MFSD12: variants seen among roughly 807,000 people sequenced by gnomAD.
MFSD12 encodes major facilitator superfamily domain containing 12, also known as major facilitator superfamily domain-containing protein 12.
In MFSD12, 67 loss-of-function variants were observed where a neutral mutation model predicts 51.2. The observed-to-expected ratio is 1.31, with a 90% CI of 1.08 to 1.60. MFSD12 has a LOEUF of 1.60. Among genes scored for constraint, MFSD12 ranks in the 40% most tolerant of loss-of-function variants. The pLI, the probability that MFSD12 is intolerant of heterozygous loss-of-function variation, is 0.00. For synonymous variants in MFSD12, 441 were observed against 316.7 expected (o/e 1.39, Z -4.17); for missense variants, 921 against 673.0 (o/e 1.37, Z -4.08).
chr19:3,542,776 C>T (rs1045213674), downstream of MFSD12: 7 of 1,364,554 alleles, frequency 5.1e-6, no homozygotes, highest in African/African-American at 8.9e-5. Flanking sequence ...AGCCACACAC[C>T]TGGCCTAGTG....
chr19:3,539,489 C>T (rs1435600895), downstream of MFSD12: 14 of 536,446 alleles, frequency 2.6e-5, no homozygotes, highest in South Asian at 2.4e-4. Context: ...TGTCTGCGGC[C>T]GTCTCCAAGG....
intron 4 of MFSD12, chr19:3,538,901 A>G: frequency 1.5e-6 from 1 of 653,728 alleles, no homozygotes. Flanking sequence ...GGGTGTGGAG[A>G]TGGAGAAGCC....
Position 3,547,872 on chromosome 19 carries a change from C to A in MFSD12, c.813G>T (p.Trp271Cys). Residue 271 changes from tryptophan (W) to cysteine (C), a missense_variant, in exon 4 of 10, where the codon TGG becomes TGT. Trp to Cys is a radical substitution (Grantham distance 215). Transcript: ENST00000355415. The part of the protein sequence containing the change: ...TAQPLLLWKH[W>C]LREPAFYQVG... ...CCTGGTAGAAAGCCGGCTCCCGGAG[C>A]CAGTGCTTCCAGAGCAGCAGGGGCT... The A allele has an allele frequency of 6.5e-7, 1 of 1,529,994 alleles. No individual in the cohort carries two copies. The allele number at this position is 1,529,994 out of a possible 1,614,324, so 94.8% of individuals were successfully genotyped here.
rs1342824871 is a variant in MFSD12, at chr19:3,544,576, G to A, written c.*134C>T. On this transcript the variant is annotated 3_prime_UTR_variant, in exon 10 of 10. Coordinates refer to ENST00000355415, the MANE Select transcript of MFSD12 (RefSeq NM_174983.5). ...GCTGCCCTCACCCGACCCCACCCCCGGGAGCTGGGTGAGGATGGAGGGTGG... is the reference window on the plus strand; with the variant it reads ...GCTGCCCTCACCCGACCCCACCCCCAGGAGCTGGGTGAGGATGGAGGGTGG... 2.3e-5 allele frequency: 33 copies of A among 1,459,560 alleles called. No homozygotes were observed. Among genetic ancestry groups the A allele is most frequent in the South Asian group, 1.0e-4 (7 of 69,714 alleles). 90.4% of individuals were successfully genotyped at this position (1,459,560 alleles called of 1,614,324 possible). A position where few individuals can be genotyped will look rare whatever the true frequency, so the allele number is the denominator to read the frequency against.
downstream of MFSD12, chr19:3,544,158 C>A: frequency 7.2e-7 from 1 of 1,386,926 alleles, no homozygotes; most frequent in South Asian, 1.8e-5. Flanking sequence ...GCCCAGGCTA[C>A]CCCTGCCCAG....
chr19:3,550,470 C>T (rs1430621946), intron 2 of MFSD12, among the ~76,000 whole-genome samples: 1 of 151,924 alleles, frequency 6.6e-6, no homozygotes, highest in Non-Finnish European at 1.5e-5. Context: ...TGGCTCACTG[C>T]AAGCTCCACC....
At chr19:3,539,381 C>T, downstream of MFSD12, 1 of 653,642 alleles carries the variant, frequency 1.5e-6, no homozygotes, top group Non-Finnish European at 2.7e-6. Context: ...CTAAAAGGCT[C>T]ATGTGTGTGA....
chr19:3,546,581 T>C (rs1243177896), intron 6 of MFSD12, among the ~76,000 whole-genome samples, 156 bp from the exon 7 acceptor site: 1 of 152,234 alleles, frequency 6.6e-6, no homozygotes, highest in African/African-American at 2.4e-5. Flanking sequence ...ACACCGAGGC[T>C]CTGCAGATCC....
downstream of MFSD12, chr19:3,542,762 C>T (rs201813207): frequency 3.2e-5 from 43 of 1,355,690 alleles, no homozygotes; most frequent in East Asian, 9.3e-5. Flanking sequence ...GGTTTACAAG[C>T]GTGAGCCACA....
In MFSD12 at chr19:3,547,950, C is replaced by G. The variant is rs376196690; in HGVS notation, c.735G>C (p.Pro245=). ...TGTGCTCGCCTGGCTCCTCCGCATGCGGCCGGCGCCTCTCCCGGGTGCCCA... is the reference window on the plus strand; with the variant it reads ...TGTGCTCGCCTGGCTCCTCCGCATGGGGCCGGCGCCTCTCCCGGGTGCCCA... The part of the protein sequence containing the change: ...FHLGTRERRR[P]HAEEPGEHTP... Residue 245 remains proline (P), a synonymous_variant, in exon 4 of 10, where the codon CCG becomes CCC. Transcript: ENST00000355415. The G allele has an allele frequency of 1.9e-6, 3 of 1,593,622 alleles. No homozygotes were observed. The highest frequency in any genetic ancestry group is 2.5e-6 in the Non-Finnish European group (3 of 1,177,008).
chr19:3,553,728 C>CAAAAA (rs35093968), intron 1 of MFSD12, among the ~76,000 whole-genome samples: 1 of 61,332 alleles, frequency 1.6e-5, no homozygotes, highest in Non-Finnish European at 2.7e-5. Flanking sequence ...CTCCATCTCT[C>CAAAAA]AAAAAAAAAA....
At chr19:3,541,076 G>A (rs1198374584), downstream of MFSD12, among the ~76,000 whole-genome samples, 6 of 150,434 alleles carry the variant, frequency 4.0e-5, no homozygotes, top group Non-Finnish European at 8.9e-5. Flanking sequence ...GGCTGAGGCA[G>A]GAGAATCGCT....
chr19:3,546,983 G>A (rs1011923892), intron 6 of MFSD12, among the ~76,000 whole-genome samples: 3 of 152,242 alleles, frequency 2.0e-5, no homozygotes, highest in Middle Eastern at 3.4e-3. Context: ...ACAGGCACCC[G>A]CCACCAACGC....
chr19:3,542,836 T>C (rs768823219), downstream of MFSD12: 30 of 1,376,206 alleles, frequency 2.2e-5, no homozygotes, highest in Admixed American at 5.7e-5. Flanking sequence ...CCCAGACCAC[T>C]TCTTCCTGGT....
intron 1 of MFSD12, among the ~76,000 whole-genome samples, chr19:3,555,121 G>T (rs765733939): frequency 6.6e-6 from 1 of 152,150 alleles, no homozygotes; most frequent in Non-Finnish European, 1.5e-5. Context: ...TGTTGTTGTT[G>T]TTTTTTGTTT....
rs2031498657 is a variant in MFSD12, at chr19:3,551,961, T to C, written c.299-767A>G. ...TCTGCCTAGAGCTCTCTCTCACATC[T>C]TAGCAAGACTGGCTCCTTTTCACCT... On this transcript the variant is annotated intron_variant, in intron 1 of 9. Transcript: ENST00000355415. This position sits in a 1 kb window ranked among gnomAD's most constrained non-coding sequence, Gnocchi z 4.6. 6.6e-6 allele frequency among the ~76,000 whole-genome samples: 1 copy of C among 152,056 alleles called. No homozygotes were observed. Among genetic ancestry groups the C allele is most frequent in the South Asian group, 2.1e-4 (1 of 4,822 alleles).
chr19:3,555,107 G>C (rs2031667291), intron 1 of MFSD12, among the ~76,000 whole-genome samples: 1 of 152,136 alleles, frequency 6.6e-6, no homozygotes, highest in Admixed American at 6.6e-5. Flanking sequence ...TTCTTGTTTT[G>C]GTTTGTTGTT....
At chr19:3,543,956 C>G (rs200020809), downstream of MFSD12, 375 of 1,550,974 alleles carry the variant, frequency 2.4e-4, 2 homozygotes, top group African/African-American at 4.6e-3. Flanking sequence ...TGGAACCATA[C>G]TGCCCCTCCA....
At position 3,546,285 on chromosome 19, in the gene MFSD12, G is replaced by C. The variant is rs750028413; in HGVS notation, c.1164C>G (p.Ala388=). ...GCATILVTSL[A]MTADLIGPHT... ...GGGGACCGATGAGGTCGGCCGTCAT[G>C]GCCAGCGAGGTGACGAGGATGGTGG... The change falls in exon 7 of 10, where the codon GCC becomes GCG. Residue 388 remains alanine, a synonymous_variant. Coordinates refer to ENST00000355415, the MANE Select transcript of MFSD12 (RefSeq NM_174983.5). 9 of 1,610,468 alleles carry C rather than the reference G, an allele frequency of 5.6e-6. No individual in the cohort carries two copies. The highest frequency in any genetic ancestry group is 1.7e-4 in the Middle Eastern group (1 of 6,058).
Sources: gnomAD v4.1 joint callset for allele counts (sites outside exome capture counted in the v4.1 genomes callset) on GRCh38, gnomAD v4.1.1 for gene constraint, Gnocchi (gnomAD v3.1) non-coding constraint, MANE v1.5 for transcripts, NCBI Gene and HGNC (gene_info 2026-07-23, HGNC 2026-07-21) for gene names.